ZNF146: variants seen among roughly 807,000 people sequenced by gnomAD.
ZNF146 encodes the protein zinc finger protein 146.
ZNF146 carries 9 observed loss-of-function variants against 22.2 expected under a neutral mutation model. The observed-to-expected ratio is 0.41, with a 90% CI of 0.24 to 0.71. ZNF146 has a LOEUF of 0.71. ZNF146 is among the 30% of genes least tolerant of loss of function. The pLI is 0.34. For synonymous variants in ZNF146, 108 were observed against 119.2 expected, an observed-to-expected ratio of 0.91 and a Z score of 0.61; for missense variants, 194 against 344.8, an observed-to-expected ratio of 0.56 and a Z score of 3.46.
intron 3 of ZNF146, among the ~76,000 whole-genome samples, chr19:36,230,331 T>C (rs1348787658): frequency 6.6e-6 from 1 of 152,226 alleles, no homozygotes; most frequent in Non-Finnish European, 1.5e-5. Flanking sequence ...AAATGTCAGC[T>C]ATCAAAACAG....
chr19:36,217,055 CTTTTTTTTTTTTTT>C (rs752632008), intron 1 of ZNF146, among the ~76,000 whole-genome samples: 10 of 65,866 alleles, frequency 1.5e-4, no homozygotes. Context: ...CAGTCCCTGT[CTTTTTTTTTTTTTT>C]TTTTTTTTTT....
Position 36,236,739 on chromosome 19 carries a change from T to C in ZNF146, c.299T>C (p.Phe100Ser), listed in dbSNP as rs1159660983. ...AAAATTCACACTGGAGAAAAACCTT[T>C]TGAGTGTAAAGATTGCGGGAAAGCT... ...HQKIHTGEKP[F>S]ECKDCGKAFI... The change falls in exon 4 of 4, where the codon TTT becomes TCT. Residue 100 changes from phenylalanine (F) to serine (S), a missense_variant. By Grantham distance (155) the Phe-to-Ser change is radical. Transcript: ENST00000443387. 1 of 1,613,908 alleles carries C rather than the reference T, an allele frequency of 6.2e-7. No homozygotes were observed. Among genetic ancestry groups the C allele is most frequent in the East Asian group, 2.2e-5 (1 of 44,870 alleles).
At chr19:36,223,600 T>A (rs1226151210) in intron 2 of ZNF146, among the ~76,000 whole-genome samples, 1 of 152,024 alleles carries the variant, frequency 6.6e-6, no homozygotes, top group Non-Finnish European at 1.5e-5. Context: ...CCTGACCTCG[T>A]GATCCGCCCG....
intron 3 of ZNF146, among the ~76,000 whole-genome samples, chr19:36,230,973 G>A (rs1012691274): frequency 2.0e-5 from 3 of 151,958 alleles, no homozygotes; most frequent in Non-Finnish European, 4.4e-5. Context: ...GCTAATTTTT[G>A]TATTTTTAGT....
At chr19:36,232,235 A>T (rs1003753025) in intron 3 of ZNF146, among the ~76,000 whole-genome samples, 1 of 151,976 alleles carries the variant, frequency 6.6e-6, no homozygotes, top group African/African-American at 2.4e-5. Flanking sequence ...GTGACTACAA[A>T]TATGAACATA....
At chr19:36,229,358 C>A (rs1209556370) in intron 3 of ZNF146, among the ~76,000 whole-genome samples, 1 of 152,180 alleles carries the variant, frequency 6.6e-6, no homozygotes, top group Non-Finnish European at 1.5e-5. Context: ...ACCTAGAAAT[C>A]AGTTTTTCCC....
chr19:36,222,022 T>A (rs1204811557), intron 2 of ZNF146, among the ~76,000 whole-genome samples: 1 of 149,590 alleles, frequency 6.7e-6, no homozygotes, highest in East Asian at 2.0e-4. Flanking sequence ...CTCCAACTGC[T>A]GGGCTGAAGT....
intron 1 of ZNF146, among the ~76,000 whole-genome samples, chr19:36,216,993 A>G (rs1026274492): frequency 2.0e-5 from 3 of 150,000 alleles, no homozygotes; most frequent in African/African-American, 7.3e-5. Flanking sequence ...TAGGAGGTCA[A>G]GGCTGCAGTG....
intron 3 of ZNF146, among the ~76,000 whole-genome samples, chr19:36,233,767 C>T (rs1165134059): frequency 6.6e-6 from 1 of 152,188 alleles, no homozygotes; most frequent in African/African-American, 2.4e-5. Context: ...GCGGTTTTCC[C>T]CTATCTCAGT....
intron 2 of ZNF146, among the ~76,000 whole-genome samples, chr19:36,221,089 A>G (rs11878240): frequency 0.042 from 6,200 of 149,282 alleles, 400 homozygotes; most frequent in African/African-American, 0.14. Context: ...CTGACTTCCT[A>G]CTCGTCTTGG....
At chr19:36,226,573 A>AT (rs147959462) in intron 2 of ZNF146, among the ~76,000 whole-genome samples, 45 of 151,534 alleles carry the variant, frequency 3.0e-4, no homozygotes, top group Non-Finnish European at 4.7e-4. Flanking sequence ...AATGTGTATG[A>AT]TTTTTTTTTC....
intron 2 of ZNF146, 101 bp from the exon 3 acceptor site, chr19:36,228,647 A>C (rs1003984790): frequency 1.3e-5 from 2 of 152,202 alleles, no homozygotes; most frequent in Admixed American, 1.3e-4. Flanking sequence ...TTGCACCCTC[A>C]TTCTTCAGAA....
chr19:36,216,995 G>C (rs1976636405), intron 1 of ZNF146, among the ~76,000 whole-genome samples: 1 of 150,648 alleles, frequency 6.6e-6, no homozygotes, highest in Non-Finnish European at 1.5e-5. Flanking sequence ...GGAGGTCAAG[G>C]CTGCAGTGAG....
intron 1 of ZNF146, among the ~76,000 whole-genome samples, chr19:36,217,428 C>T (rs1976658514): frequency 6.6e-6 from 1 of 152,006 alleles, no homozygotes; most frequent in South Asian, 2.1e-4. Context: ...AGTTCATGCC[C>T]ATCAGTGGGA....
At chr19:36,221,575 A>G (rs2145407688) in intron 2 of ZNF146, among the ~76,000 whole-genome samples, 1 of 152,312 alleles carries the variant, frequency 6.6e-6, no homozygotes, top group Admixed American at 6.5e-5. Context: ...GGCTTGAGCC[A>G]CCGTGCCTGG....
intron 2 of ZNF146, among the ~76,000 whole-genome samples, chr19:36,227,361 G>A (rs1483728231): frequency 6.7e-6 from 1 of 149,322 alleles, no homozygotes; most frequent in East Asian, 2.0e-4. Flanking sequence ...TGCACTCCCA[G>A]CCTGGGCAAC....
chr19:36,221,284 CTTT>C (rs74172797), intron 2 of ZNF146, among the ~76,000 whole-genome samples: 15 of 98,692 alleles, frequency 1.5e-4, no homozygotes, highest in African/African-American at 5.5e-4. Flanking sequence ...TAAGGGACTG[CTTT>C]TTTTTTTTTT....
chr19:36,217,817 G>A (rs1043055525), intron 1 of ZNF146, among the ~76,000 whole-genome samples: 18 of 151,890 alleles, frequency 1.2e-4, no homozygotes, highest in African/African-American at 3.6e-4. Flanking sequence ...CCCGGGAGGC[G>A]GAGGTTGCAG....
chr19:36,236,236 T>C lies in ZNF146; in HGVS notation c.-205T>C. On this transcript the variant is annotated 5_prime_UTR_variant, in exon 4 of 4. Transcript: ENST00000443387. ...ACTTCATTGAATATTAGAAAATTTT[T>C]CTAGAGAGAAAGCATTGAATATACT... is the stretch of plus-strand genomic sequence containing the variant. 1.8e-6 allele frequency: 1 copy of C among 553,358 alleles called. No individual in the cohort carries two copies. Among genetic ancestry groups the C allele is most frequent in the Non-Finnish European group, 2.9e-6 (1 of 340,030 alleles). 34.3% of individuals were successfully genotyped at this position (553,358 alleles called of 1,614,324 possible).
Sources: gnomAD v4.1 joint callset for allele counts (sites outside exome capture counted in the v4.1 genomes callset) on GRCh38, gnomAD v4.1.1 for gene constraint, MANE v1.5 for transcripts, NCBI Gene and HGNC (gene_info 2026-07-23, HGNC 2026-07-21) for gene names.